CIMIP2A: variants seen among roughly 807,000 people sequenced by gnomAD.
The protein encoded by CIMIP2A is family with sequence similarity 166 member A.
chr9:137,254,397 G>A, the CIMIP2A span, among the ~76,000 whole-genome samples: 16 of 81,490 alleles, frequency 2.0e-4, no homozygotes, highest in East Asian at 3.7e-3. Context: ...CGGCTTGTGG[G>A]AACAGGAGCT....
At chr9:137,248,819 G>C in the CIMIP2A span, among the ~76,000 whole-genome samples, 2 of 152,158 alleles carry the variant, frequency 1.3e-5, no homozygotes, top group African/African-American at 4.8e-5. Flanking sequence ...AGTGAGCTGA[G>C]ATCGCACCGC....
At chr9:137,251,422 G>A in the CIMIP2A span, 16 of 1,563,710 alleles carry the variant, frequency 1.0e-5, no homozygotes, top group Admixed American at 2.7e-4. Flanking sequence ...GGGGAGAAGG[G>A]GCGGGCCAGC....
chr9:137,253,427 C>G, the CIMIP2A span: 2 of 1,444,448 alleles, frequency 1.4e-6, no homozygotes, highest in Non-Finnish European at 1.8e-6. Context: ...CTGGCCCAGC[C>G]TGGATCCCCC....
the CIMIP2A span, chr9:137,253,127 GC>G: frequency 6.4e-7 from 1 of 1,573,858 alleles, no homozygotes; most frequent in African/African-American, 1.3e-5. Flanking sequence ...CGAACCCCTG[GC>G]CCAGCCGCCT....
chr9:137,250,458 C>G, the CIMIP2A span: 3 of 152,378 alleles, frequency 2.0e-5, no homozygotes, highest in Non-Finnish European at 4.4e-5. Flanking sequence ...CCTGGCAGGC[C>G]CAGTGCTGAA....
chr9:137,244,132 G>T, the CIMIP2A span: 4 of 1,588,018 alleles, frequency 2.5e-6, no homozygotes, highest in Non-Finnish European at 3.5e-6. Context: ...CCCCACATTG[G>T]CCGGGGTGTG....
At chr9:137,245,133 G>C in the CIMIP2A span, 2 of 1,597,648 alleles carry the variant, frequency 1.3e-6, no homozygotes, top group Non-Finnish European at 8.5e-7. Context: ...GTCCAGCTGC[G>C]GCAGCCGCTG....
chr9:137,247,089 C>T, the CIMIP2A span, among the ~76,000 whole-genome samples: 1 of 152,038 alleles, frequency 6.6e-6, no homozygotes, highest in Non-Finnish European at 1.5e-5. Context: ...AGTTCGAGAC[C>T]AGCCTGACCA....
At chr9:137,244,874 G>A in the CIMIP2A span, 1 of 1,567,862 alleles carries the variant, frequency 6.4e-7, no homozygotes. Context: ...GTCTGATGTG[G>A]CCAAATGGGA....
the CIMIP2A span, among the ~76,000 whole-genome samples, chr9:137,247,042 T>C: frequency 6.6e-6 from 1 of 152,006 alleles, no homozygotes; most frequent in Non-Finnish European, 1.5e-5. Flanking sequence ...TCCCAGCACT[T>C]TGGGAGGCCG....
the CIMIP2A span, chr9:137,244,940 T>G: frequency 6.2e-7 from 1 of 1,601,608 alleles, no homozygotes; most frequent in Non-Finnish European, 8.5e-7. Context: ...TGGAAGCAGC[T>G]GGGAGGCAGA....
chr9:137,245,510 A>G, the CIMIP2A span: 3 of 1,613,676 alleles, frequency 1.9e-6, no homozygotes, highest in Non-Finnish European at 2.5e-6. Context: ...TCCACCTCCA[A>G]GGGTGGGAGC....
the CIMIP2A span, among the ~76,000 whole-genome samples, chr9:137,249,150 C>T: frequency 3.9e-5 from 6 of 152,178 alleles, no homozygotes; most frequent in South Asian, 2.1e-4. Context: ...GCCACTGTGC[C>T]CGGCCAATAT....
At chr9:137,252,741 C>T in the CIMIP2A span, 8 of 1,557,704 alleles carry the variant, frequency 5.1e-6, no homozygotes, top group Non-Finnish European at 6.1e-6. Context: ...CACTCCGCTT[C>T]CAAGACACCT....
chr9:137,244,112 A>G, the CIMIP2A span: 1 of 1,508,024 alleles, frequency 6.6e-7, no homozygotes, highest in Non-Finnish European at 9.2e-7. Flanking sequence ...GAGCAGGTAG[A>G]GCCGTCCCTC....
At chr9:137,252,558 C>A in the CIMIP2A span, 1 of 1,518,678 alleles carries the variant, frequency 6.6e-7, no homozygotes, top group Non-Finnish European at 8.9e-7. Context: ...GGCGGGGAGT[C>A]CACGCAGGCA....
chr9:137,254,661 G>A, the CIMIP2A span, among the ~76,000 whole-genome samples: 100,160 of 152,188 alleles, frequency 0.66, 33,582 homozygotes, highest in Admixed American at 0.76. Flanking sequence ...GGCACAGCCT[G>A]CGGGAGGGCG....
At chr9:137,244,626 G>T in the CIMIP2A span, 2 of 1,613,232 alleles carry the variant, frequency 1.2e-6, no homozygotes, top group Non-Finnish European at 1.7e-6. Flanking sequence ...GCAGGCCCTG[G>T]ATGGCGCTTT....
At chr9:137,244,532 T>A in the CIMIP2A span, 4 of 1,529,084 alleles carry the variant, frequency 2.6e-6, no homozygotes, top group Non-Finnish European at 3.5e-6. Flanking sequence ...AGCCCCCTCC[T>A]CAGGCTTCTC....
Sources: allele counts gnomAD v4.1 joint callset (sites outside exome capture counted in the v4.1 genomes callset), GRCh38; gene constraint gnomAD v4.1.1; transcripts MANE v1.5; gene names NCBI Gene and HGNC (gene_info 2026-07-23, HGNC 2026-07-21).